Variants in ARHGEF12 observed in about 807,000 individuals in gnomAD.
ARHGEF12 encodes KMT2A/ARHGEF12 fusion protein.
In ARHGEF12, 66 loss-of-function variants were observed where a neutral mutation model predicts 211.2. The ratio of observed to expected loss-of-function variants is 0.31; its 90% CI spans 0.26 to 0.38. ARHGEF12 has a LOEUF of 0.38. ARHGEF12 is among the 10% of genes least tolerant of loss of function. The probability of loss-of-function intolerance (pLI) is 1.00; values close to 1 mark genes in which losing one functional copy is unlikely to be tolerated. For synonymous variants in ARHGEF12, 592 were observed against 638.4 expected, an observed-to-expected ratio of 0.93 and a Z score of 1.09; for missense variants, 1,429 against 1,869.5, an observed-to-expected ratio of 0.76 and a Z score of 4.34.
intron 4 of ARHGEF12, among the ~76,000 whole-genome samples, chr11:120,417,505 A>C (rs904912754): frequency 7.6e-6 from 1 of 130,982 alleles, no homozygotes; most frequent in Non-Finnish European, 1.6e-5. Flanking sequence ...TAGTCTAATA[A>C]TTTTTTTTTT....
At chr11:120,345,562 G>A (rs915860085) in intron 1 of ARHGEF12, among the ~76,000 whole-genome samples, 1 of 152,124 alleles carries the variant, frequency 6.6e-6, no homozygotes, top group Non-Finnish European at 1.5e-5. Flanking sequence ...AATTAGCCGA[G>A]TGTGGTGGCG....
In ARHGEF12 at chr11:120,355,441, A is replaced by G. The variant is rs151277611; in HGVS notation, c.32+18166A>G. Among the ~76,000 whole-genome samples the G allele has an allele frequency of 1.5e-3, 230 of 152,360 alleles. 1 individual carries two copies. Among genetic ancestry groups the G allele is most frequent in the African/African-American group, 5.3e-3 (221 of 41,588 alleles). ...CATATTTAATAGATATAATAATTGT[A>G]CAAGGCAAATGTTATTCCCATTTTA... is the stretch of plus-strand genomic sequence containing the variant. On this transcript the variant is annotated intron_variant, in intron 1 of 40. Coordinates refer to ENST00000397843, the MANE Select transcript of ARHGEF12 (RefSeq NM_015313.3).
chr11:120,349,541 G>A (rs1942871273), intron 1 of ARHGEF12, among the ~76,000 whole-genome samples: 1 of 152,122 alleles, frequency 6.6e-6, no homozygotes. Context: ...AGAGAAAAGA[G>A]CCTGGGTTTT....
intron 20 of ARHGEF12, 109 bp downstream of exon 20, chr11:120,448,457 G>C: frequency 1.3e-6 from 1 of 755,146 alleles, no homozygotes; most frequent in South Asian, 1.8e-5. Context: ...ATTAATGCTA[G>C]TCATACAAAC....
At chr11:120,401,780 C>G (rs561777522) in intron 1 of ARHGEF12, among the ~76,000 whole-genome samples, 3 of 152,282 alleles carry the variant, frequency 2.0e-5, no homozygotes, top group African/African-American at 7.2e-5. Flanking sequence ...CATGAATTTT[C>G]TATGATACCA....
At chr11:120,460,787 T>C in intron 27 of ARHGEF12, 30 bp downstream of exon 27, 2 of 1,557,062 alleles carry the variant, frequency 1.3e-6, no homozygotes, top group Non-Finnish European at 1.8e-6. Flanking sequence ...CTTTTTAATA[T>C]TTTTATGGAC....
intron 1 of ARHGEF12, among the ~76,000 whole-genome samples, chr11:120,354,652 C>T (rs1334216965): frequency 2.6e-5 from 4 of 151,526 alleles, no homozygotes; most frequent in African/African-American, 9.7e-5. Flanking sequence ...TTTTAGTAAC[C>T]CCAGAAAATC....
At chr11:120,389,566 G>A (rs1944146612) in intron 1 of ARHGEF12, among the ~76,000 whole-genome samples, 1 of 152,256 alleles carries the variant, frequency 6.6e-6, no homozygotes, top group South Asian at 2.1e-4. Context: ...CAGGGTGGAT[G>A]GGGTATCTTT....
At chr11:120,424,481 T>G in intron 7 of ARHGEF12, 66 bp downstream of exon 7, 1 of 1,383,414 alleles carries the variant, frequency 7.2e-7, no homozygotes, top group Non-Finnish European at 1.0e-6. Context: ...GCAGCAAATT[T>G]CCTGTAATAG....
At chr11:120,375,512 T>C (rs552104197) in intron 1 of ARHGEF12, among the ~76,000 whole-genome samples, 1 of 151,926 alleles carries the variant, frequency 6.6e-6, no homozygotes, top group African/African-American at 2.4e-5. Flanking sequence ...TTTGCAACTT[T>C]CCTTTACCTG....
chr11:120,406,929 G>T (rs796084381), intron 2 of ARHGEF12, among the ~76,000 whole-genome samples: 26 of 152,270 alleles, frequency 1.7e-4, no homozygotes, highest in African/African-American at 6.0e-4. Context: ...CTATATCCAT[G>T]TCTATATATT....
intron 1 of ARHGEF12, among the ~76,000 whole-genome samples, chr11:120,340,941 T>C (rs1591474359): frequency 6.6e-6 from 1 of 152,244 alleles, no homozygotes; most frequent in South Asian, 2.1e-4. Flanking sequence ...ATGATGTTCA[T>C]ATTCAGTAAG....
chr11:120,468,482 T>C (rs1272802666), intron 29 of ARHGEF12, among the ~76,000 whole-genome samples: 1 of 152,244 alleles, frequency 6.6e-6, no homozygotes, highest in Admixed American at 6.5e-5. Flanking sequence ...GGAGTCTCGC[T>C]CTGTCGCCCA....
intron 1 of ARHGEF12, among the ~76,000 whole-genome samples, chr11:120,396,293 A>G (rs1430184895): frequency 1.3e-5 from 2 of 152,232 alleles, no homozygotes; most frequent in Non-Finnish European, 2.9e-5. Flanking sequence ...GAAAATTTCA[A>G]ATAGTATACG....
chr11:120,441,861 A>T (rs775417362), intron 14 of ARHGEF12, 44 bp downstream of exon 14: 1 of 1,553,966 alleles, frequency 6.4e-7, no homozygotes, highest in Non-Finnish European at 8.9e-7. Context: ...TCTTCTGTTG[A>T]TTCATGTGCC....
intron 24 of ARHGEF12, 122 bp downstream of exon 24, chr11:120,457,878 A>C: frequency 8.2e-7 from 1 of 1,224,620 alleles, no homozygotes; most frequent in Non-Finnish European, 1.1e-6. Flanking sequence ...GTAGTATAAA[A>C]GAAAGCTCTT....
At position 120,425,579 on chromosome 11, in the gene ARHGEF12, G is replaced by A. The variant is rs941841949; in HGVS notation, c.406+1164G>A. Among the ~76,000 whole-genome samples, 13 of 151,838 alleles carry A rather than the reference G, an allele frequency of 8.6e-5. No homozygotes were observed. In the East Asian group the frequency reaches 1.9e-3, roughly 23 times the overall value. ...CCTAAAGCGCTGGGATTACAGGCAC[G>A]AGCCACTATACCTGGCCAAGATTTT... On this transcript the variant is annotated intron_variant, in intron 7 of 40. Transcript: ENST00000397843.
intron 15 of ARHGEF12, among the ~76,000 whole-genome samples, chr11:120,445,102 G>A (rs988213813): frequency 6.6e-6 from 1 of 151,558 alleles, no homozygotes; most frequent in Non-Finnish European, 1.5e-5. Flanking sequence ...ACATATAACT[G>A]ATTATATTGA....
At chr11:120,474,751 A>G in intron 32 of ARHGEF12, 116 bp downstream of exon 32, 2 of 680,122 alleles carry the variant, frequency 2.9e-6, no homozygotes, top group South Asian at 2.1e-5. Flanking sequence ...TTGCAGTGCT[A>G]CCTCGTGTTA....
Sources: allele counts gnomAD v4.1 joint callset (sites outside exome capture counted in the v4.1 genomes callset), GRCh38; gene constraint gnomAD v4.1.1; transcripts MANE v1.5; gene names NCBI Gene and HGNC (gene_info 2026-07-23, HGNC 2026-07-21).